Variants in ABTB3 observed in about 807,000 individuals in gnomAD.
ABTB3 encodes the protein ankyrin repeat and BTB domain containing 3, also known as ankyrin repeat- and BTB/POZ domain-containing protein 3.
At chr12:107,567,719 G>A in the ABTB3 span, among the ~76,000 whole-genome samples, 1 of 152,176 alleles carries the variant, frequency 6.6e-6, no homozygotes, top group African/African-American at 2.4e-5. Context: ...GGCCGCATTC[G>A]ATTCTCACAG....
chr12:107,357,874 C>G, the ABTB3 span, among the ~76,000 whole-genome samples: 2 of 152,270 alleles, frequency 1.3e-5, no homozygotes, highest in Non-Finnish European at 2.9e-5. Context: ...CATTTAAAGC[C>G]CTATTTGGCA....
At chr12:107,620,269 C>A in the ABTB3 span, 1 of 1,415,032 alleles carries the variant, frequency 7.1e-7, no homozygotes, top group Non-Finnish European at 9.6e-7. Flanking sequence ...AGTGGGATCA[C>A]TACGGTCATA....
chr12:107,403,932 G>A, the ABTB3 span, among the ~76,000 whole-genome samples: 1 of 152,126 alleles, frequency 6.6e-6, no homozygotes, highest in Non-Finnish European at 1.5e-5. Context: ...GGAGGCCAAG[G>A]CAGGTGGATC....
chr12:107,420,860 A>G, the ABTB3 span, among the ~76,000 whole-genome samples: 1 of 152,044 alleles, frequency 6.6e-6, no homozygotes, highest in Non-Finnish European at 1.5e-5. Context: ...ACCCCATCCC[A>G]CTGCTTCCTT....
the ABTB3 span, among the ~76,000 whole-genome samples, chr12:107,337,480 C>G: frequency 6.6e-6 from 1 of 152,168 alleles, no homozygotes; most frequent in Admixed American, 6.5e-5. Context: ...GGCTGGTTCC[C>G]ATGTACCAGA....
the ABTB3 span, among the ~76,000 whole-genome samples, chr12:107,576,568 T>C: frequency 6.6e-6 from 1 of 152,144 alleles, no homozygotes; most frequent in Admixed American, 6.5e-5. Flanking sequence ...CATTACCTCT[T>C]CAAAGGCTCT....
the ABTB3 span, among the ~76,000 whole-genome samples, chr12:107,488,926 G>C: frequency 1.3e-5 from 2 of 152,148 alleles, no homozygotes; most frequent in African/African-American, 4.8e-5. Context: ...ACATAAAAGA[G>C]AACTTACGAA....
chr12:107,454,217 C>T, the ABTB3 span, among the ~76,000 whole-genome samples: 2 of 152,234 alleles, frequency 1.3e-5, no homozygotes, highest in Admixed American at 6.5e-5. Context: ...TCTGGGCATG[C>T]CCAGAAGATC....
At chr12:107,383,785 T>C in the ABTB3 span, among the ~76,000 whole-genome samples, 2 of 152,222 alleles carry the variant, frequency 1.3e-5, no homozygotes, top group Admixed American at 1.3e-4. Context: ...GGGCCTATTG[T>C]GGTTGGCTGA....
chr12:107,357,232 G>A, the ABTB3 span, among the ~76,000 whole-genome samples: 408 of 152,302 alleles, frequency 2.7e-3, 1 homozygote, highest in Non-Finnish European at 4.0e-3. Context: ...CAACTGTATA[G>A]CACACCTGTG....
At chr12:107,527,117 C>A in the ABTB3 span, among the ~76,000 whole-genome samples, 1 of 152,082 alleles carries the variant, frequency 6.6e-6, no homozygotes, top group Non-Finnish European at 1.5e-5. Flanking sequence ...ATGACTGCCC[C>A]ACCCACCTAC....
the ABTB3 span, among the ~76,000 whole-genome samples, chr12:107,475,485 G>C: frequency 6.6e-6 from 1 of 152,156 alleles, no homozygotes; most frequent in South Asian, 2.1e-4. Context: ...CTCCTGCCTG[G>C]TGGCCCTGTC....
At chr12:107,420,926 G>T in the ABTB3 span, among the ~76,000 whole-genome samples, 6 of 152,092 alleles carry the variant, frequency 3.9e-5, no homozygotes, top group African/African-American at 1.4e-4. Flanking sequence ...TTTTCCAAGG[G>T]AGCTGCCCGA....
the ABTB3 span, among the ~76,000 whole-genome samples, chr12:107,645,094 T>A: frequency 6.6e-6 from 1 of 150,972 alleles, no homozygotes; most frequent in African/African-American, 2.4e-5. Context: ...TGCCTCAGCC[T>A]CCTGAGTAGC....
chr12:107,620,490 T>G, the ABTB3 span, among the ~76,000 whole-genome samples: 18 of 152,024 alleles, frequency 1.2e-4, no homozygotes, highest in Admixed American at 8.5e-4. Flanking sequence ...TACAACAGTA[T>G]TAAATTTGGG....
chr12:107,401,637 T>TA, the ABTB3 span, among the ~76,000 whole-genome samples: 1 of 152,176 alleles, frequency 6.6e-6, no homozygotes, highest in South Asian at 2.1e-4. Context: ...AAATGTCCTT[T>TA]AAAAAATCCA....
the ABTB3 span, among the ~76,000 whole-genome samples, chr12:107,351,965 T>C: frequency 6.6e-5 from 10 of 152,296 alleles, no homozygotes; most frequent in African/African-American, 2.4e-4. Context: ...TGTCTACCAA[T>C]GGCATGCCAT....
At chr12:107,571,626 C>T in the ABTB3 span, among the ~76,000 whole-genome samples, 1 of 152,236 alleles carries the variant, frequency 6.6e-6, no homozygotes, top group Non-Finnish European at 1.5e-5. Flanking sequence ...GCCTGCAAGG[C>T]GTGTTTCGCG....
the ABTB3 span, among the ~76,000 whole-genome samples, chr12:107,505,865 T>C: frequency 6.6e-6 from 1 of 152,226 alleles, no homozygotes; most frequent in Non-Finnish European, 1.5e-5. Flanking sequence ...CATGATCTCA[T>C]TCTTTTTTAT....
Sources: allele counts gnomAD v4.1 joint callset (sites outside exome capture counted in the v4.1 genomes callset), GRCh38; gene constraint gnomAD v4.1.1; transcripts MANE v1.5; gene names NCBI Gene and HGNC (gene_info 2026-07-23, HGNC 2026-07-21).